Variants in C3orf52 observed in about 807,000 individuals in gnomAD.
C3orf52 encodes the protein TPA-induced transmembrane protein.
In C3orf52, 22 loss-of-function variants were observed where a neutral mutation model predicts 24.8. That is an observed-to-expected ratio of 0.89 (90% CI 0.63 to 1.27). The LOEUF (loss-of-function observed/expected upper bound fraction) is 1.27, where lower values mean the gene tolerates loss of function less well. Ranked by LOEUF, C3orf52 falls within the 50% of genes most tolerant of loss-of-function variation. The pLI is 0.00. For synonymous variants in C3orf52, 93 were observed against 100.2 expected, an observed-to-expected ratio of 0.93 and a Z score of 0.43; for missense variants, 265 against 260.7, an observed-to-expected ratio of 1.02 and a Z score of -0.11.
chr3:112,095,197 G>C (rs1576136251), intron 2 of C3orf52, among the ~76,000 whole-genome samples: 1 of 152,320 alleles, frequency 6.6e-6, no homozygotes, highest in African/African-American at 2.4e-5. Flanking sequence ...TGTTAAGGTA[G>C]GAAAAAGCTA....
chr3:112,135,096 G>A (rs550177510), downstream of C3orf52: 1 of 154,886 alleles, frequency 6.5e-6, no homozygotes, highest in East Asian at 1.9e-4. Flanking sequence ...TAATAAGGGT[G>A]CACTTCACTG....
chr3:112,119,383 C>G, downstream of C3orf52: 1 of 692,212 alleles, frequency 1.4e-6, no homozygotes, highest in Non-Finnish European at 2.6e-6. Flanking sequence ...AACAAACAAA[C>G]AAACAAACAA....
At chr3:112,135,190 T>C (rs1411089953), downstream of C3orf52, 1 of 151,940 alleles carries the variant, frequency 6.6e-6, no homozygotes, top group Admixed American at 6.6e-5. Context: ...ATTATCCTTG[T>C]ATTTGATGGT....
chr3:112,132,979 C>T (rs554035385), downstream of C3orf52: 41 of 1,060,482 alleles, frequency 3.9e-5, no homozygotes, highest in South Asian at 6.4e-4. Context: ...CCTTACCCAA[C>T]TACTTTCTAC....
chr3:112,128,365 G>A (rs934531967), exon 5 of C3orf52: 2 of 518,074 alleles, frequency 3.9e-6, no homozygotes, highest in African/African-American at 3.9e-5. Flanking sequence ...ACACGTAAGT[G>A]TTATCCCCAG....
intron 3 of C3orf52, among the ~76,000 whole-genome samples, chr3:112,107,117 G>A (rs1207194833): frequency 6.6e-5 from 10 of 152,094 alleles, no homozygotes; most frequent in Non-Finnish European, 1.5e-4. Flanking sequence ...TGATTTAGTC[G>A]ACCACTCCAT....
chr3:112,125,244 C>T, intron 4 of C3orf52: 1 of 1,581,008 alleles, frequency 6.3e-7, no homozygotes, highest in South Asian at 1.1e-5. Flanking sequence ...GAGTAGATGA[C>T]ATTCTTTCAT....
intron 4 of C3orf52, 129 bp downstream of exon 4, chr3:112,109,742 CA>C: frequency 3.4e-6 from 2 of 596,104 alleles, no homozygotes; most frequent in Admixed American, 5.6e-5. Context: ...AATAGAATCA[CA>C]GAATGTCAGT....
chr3:112,110,497 GTA>G (rs2074069688), intron 4 of C3orf52, among the ~76,000 whole-genome samples: 1 of 152,126 alleles, frequency 6.6e-6, no homozygotes, highest in Non-Finnish European at 1.5e-5. Context: ...TTCTGTTCAT[GTA>G]TCTACCATAG....
chr3:112,125,211 A>G (rs1347066435), intron 4 of C3orf52: 4 of 1,528,502 alleles, frequency 2.6e-6, no homozygotes, highest in Non-Finnish European at 3.6e-6. Context: ...AATAGCTTAG[A>G]GATGTTCTTA....
At chr3:112,086,869 T>C (rs2073833659) in intron 1 of C3orf52, among the ~76,000 whole-genome samples, 1 of 152,188 alleles carries the variant, frequency 6.6e-6, no homozygotes, top group South Asian at 2.1e-4. Flanking sequence ...ATGTAACTTT[T>C]AATTCAGTTT....
At chr3:112,091,135 T>A (rs560191872) in intron 1 of C3orf52, among the ~76,000 whole-genome samples, 1 of 152,320 alleles carries the variant, frequency 6.6e-6, no homozygotes, top group South Asian at 2.1e-4. Context: ...AAAGTGCACT[T>A]GGGAAATCCA....
chr3:112,093,031 CCAG>C (rs1438972111), intron 1 of C3orf52, among the ~76,000 whole-genome samples: 1 of 152,182 alleles, frequency 6.6e-6, no homozygotes, highest in Non-Finnish European at 1.5e-5. Flanking sequence ...AACCCACATT[CCAG>C]TCGGCAGGCT....
In C3orf52 at chr3:112,116,619, G is replaced by C. The variant is rs779014713; in HGVS notation, c.650-23G>C. 7 of 1,530,936 alleles carry C rather than the reference G, an allele frequency of 4.6e-6. No individual in the cohort carries two copies. In the Admixed American group the frequency reaches 1.1e-4, roughly 24 times the overall value. The allele number at this position is 1,530,936 out of a possible 1,614,324, so 94.8% of individuals were successfully genotyped here. A position where few individuals can be genotyped will look rare whatever the true frequency, so the allele number is the denominator to read the frequency against. ...GTGGTTTTAAAAATCAGTAACTTTTGTTCATCTGTGTTTTCTTTTTAGAAT... is the reference window on the plus strand; with the variant it reads ...GTGGTTTTAAAAATCAGTAACTTTTCTTCATCTGTGTTTTCTTTTTAGAAT... On this transcript the variant is annotated intron_variant, in intron 5 of 5. Transcript: ENST00000264848.
intron 5 of C3orf52, 64 bp downstream of exon 5, chr3:112,113,209 A>T: frequency 1.4e-5 from 19 of 1,396,250 alleles, no homozygotes; most frequent in Non-Finnish European, 1.7e-5. Context: ...ATTGGGGTCA[A>T]ATTGGCTTGG....
intron 2 of C3orf52, among the ~76,000 whole-genome samples, chr3:112,101,761 A>G (rs974023342): frequency 2.6e-5 from 4 of 152,040 alleles, no homozygotes; most frequent in East Asian, 1.9e-4. Flanking sequence ...TTATTCCACT[A>G]TGGTCTTAAA....
intron 4 of C3orf52, among the ~76,000 whole-genome samples, chr3:112,125,436 A>G (rs1400858013): frequency 6.6e-6 from 1 of 152,230 alleles, no homozygotes; most frequent in Non-Finnish European, 1.5e-5. Context: ...AGTCACAGCT[A>G]GAGCTGTGCT....
intron 4 of C3orf52, chr3:112,123,708 C>G: frequency 6.2e-7 from 1 of 1,614,110 alleles, no homozygotes; most frequent in African/African-American, 1.3e-5. Flanking sequence ...TGGCCTTGTA[C>G]AGAGAACCCG....
downstream of C3orf52, chr3:112,129,432 C>G (rs922679387): frequency 3.3e-5 from 5 of 152,198 alleles, no homozygotes; most frequent in African/African-American, 1.2e-4. Context: ...TTTATTCTTG[C>G]ATTTCAACAT....
Sources: allele counts gnomAD v4.1 joint callset (sites outside exome capture counted in the v4.1 genomes callset), GRCh38; gene constraint gnomAD v4.1.1; transcripts MANE v1.5; gene names NCBI Gene and HGNC (gene_info 2026-07-23, HGNC 2026-07-21).